Variants in DNAH9 observed in about 807,000 individuals in gnomAD.
DNAH9 encodes dynein axonemal heavy chain 9.
A neutral mutation model predicts 471.6 loss-of-function variants in DNAH9; 345 were observed. The ratio of observed to expected loss-of-function variants is 0.73; its 90% CI spans 0.67 to 0.80. DNAH9 has a LOEUF of 0.80. DNAH9 is among the 30% of genes least tolerant of loss of function. DNAH9 has a pLI of 0.00. For missense variants in DNAH9, 5,407 were observed against 5,609.2 expected, an observed-to-expected ratio of 0.96 and a Z score of 1.15; for synonymous variants, 2,093 against 2,123.6, an observed-to-expected ratio of 0.99 and a Z score of 0.40.
At chr17:11,753,048 T>G in intron 33 of DNAH9, 88 bp downstream of exon 33, 1 of 1,071,950 alleles carries the variant, frequency 9.3e-7, no homozygotes, top group Non-Finnish European at 1.3e-6. Context: ...CAAATCTAGA[T>G]TCCACATGAT....
At position 11,932,069 on chromosome 17, in the gene DNAH9, T is replaced by G; in HGVS notation, c.12161T>G (p.Leu4054Arg). The change falls in exon 64 of 69, where the codon CTT becomes CGT. Residue 4054 changes from leucine to arginine, a missense_variant. Leu to Arg is a moderately radical substitution (Grantham distance 102). This residue lies in a region of DNAH9 where 4,636 missense variants were observed against 4,900.3 expected (regional missense o/e 0.95). Coordinates refer to ENST00000262442, the MANE Select transcript of DNAH9 (RefSeq NM_001372.4). This position sits in a 1 kb window ranked among gnomAD's most constrained non-coding sequence, Gnocchi z 4.3. The part of the protein sequence containing the change: ...ETEFKSILFA[L>R]CYFHAVVAER... The stretch of plus-strand genomic sequence containing the variant: ...GAGTTTAAGAGCATCCTCTTTGCTC[T>G]TTGTTACTTCCATGCGGTGGTGGCA... 2 of 1,614,180 alleles carry G rather than the reference T, an allele frequency of 1.2e-6. No homozygotes were observed. The highest frequency in any genetic ancestry group is 1.7e-6 in the Non-Finnish European group (2 of 1,180,028).
At chr17:11,888,795 T>C (rs1407175185) in intron 57 of DNAH9, among the ~76,000 whole-genome samples, 1 of 152,224 alleles carries the variant, frequency 6.6e-6, no homozygotes, top group Non-Finnish European at 1.5e-5. Context: ...GTAATTTCCA[T>C]GGTCTTGGCT....
chr17:11,919,095 G>C (rs1162361166), intron 61 of DNAH9, among the ~76,000 whole-genome samples: 1 of 152,118 alleles, frequency 6.6e-6, no homozygotes, highest in Admixed American at 6.5e-5. Context: ...TCATTGACAG[G>C]GCAGTGTACA....
chr17:11,899,987 C>T (rs1973352154), intron 59 of DNAH9, among the ~76,000 whole-genome samples: 1 of 152,054 alleles, frequency 6.6e-6, no homozygotes, highest in South Asian at 2.1e-4. Flanking sequence ...ATTCAATAGC[C>T]ATAGGAGCCC....
At chr17:11,773,205 G>A (rs995414582) in intron 38 of DNAH9, among the ~76,000 whole-genome samples, 8 of 152,148 alleles carry the variant, frequency 5.3e-5, no homozygotes, top group Non-Finnish European at 8.8e-5. Flanking sequence ...TGTCTTAATC[G>A]TTATTTGCAC....
At chr17:11,870,102 G>C (rs1483588584) in intron 51 of DNAH9, among the ~76,000 whole-genome samples, 2 of 152,194 alleles carry the variant, frequency 1.3e-5, no homozygotes, top group Non-Finnish European at 2.9e-5. Context: ...AGGACATCAA[G>C]GACAAGTGTC....
intron 38 of DNAH9, among the ~76,000 whole-genome samples, chr17:11,778,008 TG>T (rs1441012211): frequency 6.6e-6 from 1 of 151,958 alleles, no homozygotes; most frequent in Non-Finnish European, 1.5e-5. Flanking sequence ...GACATGAAGC[TG>T]GGGCAGAGGA....
chr17:11,760,062 TC>T (rs1205752715), intron 35 of DNAH9, among the ~76,000 whole-genome samples: 5 of 152,252 alleles, frequency 3.3e-5, no homozygotes, highest in South Asian at 4.1e-4. Flanking sequence ...CCTCAGGTGA[TC>T]CGCCTGCCTC....
At chr17:11,906,205 C>CA (rs1410585447) in intron 61 of DNAH9, among the ~76,000 whole-genome samples, 2 of 152,086 alleles carry the variant, frequency 1.3e-5, no homozygotes, top group Non-Finnish European at 2.9e-5. Context: ...ATTATATACC[C>CA]AAAGGAATAG....
At chr17:11,796,406 A>C (rs946891198) in intron 42 of DNAH9, among the ~76,000 whole-genome samples, 24 of 152,244 alleles carry the variant, frequency 1.6e-4, no homozygotes, top group African/African-American at 5.8e-4. Flanking sequence ...TAGTTTTTGA[A>C]ATCACCTTCA....
At chr17:11,682,441 G>C (rs1350194006) in intron 19 of DNAH9, among the ~76,000 whole-genome samples, 1 of 150,958 alleles carries the variant, frequency 6.6e-6, no homozygotes, top group Non-Finnish European at 1.5e-5. Context: ...CAAACTGGAT[G>C]GTTGCTCACT....
intron 60 of DNAH9, 126 bp downstream of exon 60, chr17:11,903,038 G>A: frequency 9.0e-7 from 1 of 1,108,140 alleles, no homozygotes. Context: ...CTAGAGGGTG[G>A]GAATAGAAAT....
intron 49 of DNAH9, among the ~76,000 whole-genome samples, chr17:11,838,655 T>C (rs2150956900): frequency 6.6e-6 from 1 of 152,244 alleles, no homozygotes; most frequent in African/African-American, 2.4e-5. Flanking sequence ...GGGGAGGCTC[T>C]AAAGGTGAGT....
intron 53 of DNAH9, chr17:11,875,616 CT>C (rs1480086468): frequency 6.4e-6 from 1 of 156,832 alleles, no homozygotes; most frequent in Non-Finnish European, 1.4e-5. Flanking sequence ...GAACAAAACT[CT>C]CCTCCTGAGG....
At chr17:11,807,988 T>C in intron 44 of DNAH9, 94 bp downstream of exon 44, 1 of 1,379,752 alleles carries the variant, frequency 7.2e-7, no homozygotes, top group Non-Finnish European at 9.8e-7. Flanking sequence ...TTCCCCTGTC[T>C]GGAGCCTCCC....
chr17:11,884,435 A>G (rs1597787867), intron 56 of DNAH9: 3 of 355,032 alleles, frequency 8.4e-6, no homozygotes, highest in Non-Finnish European at 1.7e-5. Context: ...TCGCGCTTGC[A>G]TCAGAAGGGC....
chr17:11,605,739 A>G (rs2072490966), intron 1 of DNAH9, among the ~76,000 whole-genome samples: 2 of 148,100 alleles, frequency 1.4e-5, no homozygotes, highest in Non-Finnish European at 3.0e-5. Flanking sequence ...TCCTGGGCTC[A>G]AACAATCTGC....
intron 45 of DNAH9, among the ~76,000 whole-genome samples, chr17:11,815,648 G>A (rs1001460537): frequency 6.6e-6 from 1 of 152,108 alleles, no homozygotes; most frequent in Non-Finnish European, 1.5e-5. Flanking sequence ...GAGTATCGGG[G>A]CTTGATGGAG....
intron 48 of DNAH9, among the ~76,000 whole-genome samples, chr17:11,824,046 T>C (rs1490688299): frequency 2.6e-5 from 4 of 152,202 alleles, no homozygotes; most frequent in African/African-American, 9.6e-5. Context: ...AATTTGCTCA[T>C]CTTCCCTTGG....
Sources: allele counts gnomAD v4.1 joint callset (sites outside exome capture counted in the v4.1 genomes callset), GRCh38; gene constraint gnomAD v4.1.1; regional missense constraint gnomAD v4.1.1; non-coding constraint Gnocchi (gnomAD v3.1); transcripts MANE v1.5; gene names NCBI Gene and HGNC (gene_info 2026-07-23, HGNC 2026-07-21).